ERC2: variants seen among roughly 807,000 people sequenced by gnomAD.
The protein encoded by ERC2 is ELKS/RAB6-interacting/CAST family member 2.
A neutral mutation model predicts 114.8 loss-of-function variants in ERC2; 42 were observed. The observed-to-expected ratio is 0.37, with a 90% CI of 0.29 to 0.47. The LOEUF (loss-of-function observed/expected upper bound fraction) is 0.47. Ranked by LOEUF, ERC2 falls within the 20% of genes least tolerant of loss-of-function variation. The pLI is 0.99. For synonymous variants in ERC2, 454 were observed against 425.5 expected (o/e 1.07, Z -0.82); for missense variants, 939 against 1,150.7 (o/e 0.82, Z 2.66).
chr3:56,292,611 A>G (rs2055168328), intron 3 of ERC2, among the ~76,000 whole-genome samples: 1 of 152,010 alleles, frequency 6.6e-6, no homozygotes, highest in African/African-American at 2.4e-5. Flanking sequence ...CGCAAAAAAA[A>G]GAAAAGAAAA....
chr3:55,774,428 C>T (rs146157871), intron 14 of ERC2, among the ~76,000 whole-genome samples: 315 of 152,370 alleles, frequency 2.1e-3, no homozygotes, highest in South Asian at 3.9e-3. Flanking sequence ...CCCCCGACTT[C>T]GTGGTCTCCC....
rs374252288 is a variant in ERC2 at position 56,313,187 on chromosome 3, G to T, written c.658-16752C>A. Among the ~76,000 whole-genome samples the T allele has an allele frequency of 1.1e-4, 17 of 150,276 alleles. No homozygotes were observed. The South Asian group carries it at 2.8e-3, about 24-fold the overall frequency. ...ACCACAGTGATCATTGCTGGGGAGA[G>T]GAGGATGGGGAAATGACTGCTAAAG... On this transcript the variant is annotated intron_variant, in intron 2 of 17. Coordinates refer to ENST00000288221, the MANE Select transcript of ERC2 (RefSeq NM_015576.3).
intron 17 of ERC2, among the ~76,000 whole-genome samples, chr3:55,579,957 G>A (rs1476644462): frequency 1.3e-5 from 2 of 152,218 alleles, no homozygotes; most frequent in African/African-American, 4.8e-5. Flanking sequence ...ATGCTAAGCT[G>A]CAATGCTTAA....
chr3:56,089,691 T>A (rs2077684624), intron 6 of ERC2, among the ~76,000 whole-genome samples: 1 of 152,162 alleles, frequency 6.6e-6, no homozygotes, highest in African/African-American at 2.4e-5. Context: ...TGAAGGTCTA[T>A]GACTCCTGTA....
intron 3 of ERC2, among the ~76,000 whole-genome samples, chr3:56,252,807 A>G (rs2052262979): frequency 6.6e-6 from 1 of 151,776 alleles, no homozygotes; most frequent in Non-Finnish European, 1.5e-5. Context: ...AACTGAAGAA[A>G]ATATTACATG....
At chr3:55,986,973 TA>T (rs2070689147) in intron 11 of ERC2, among the ~76,000 whole-genome samples, 1 of 151,748 alleles carries the variant, frequency 6.6e-6, no homozygotes, top group African/African-American at 2.4e-5. Context: ...TTCCATACTA[TA>T]AAAAAGTAGT....
At chr3:56,398,959 G>A (rs1355543283) in intron 2 of ERC2, among the ~76,000 whole-genome samples, 1 of 152,126 alleles carries the variant, frequency 6.6e-6, no homozygotes, top group African/African-American at 2.4e-5. Flanking sequence ...CAACTTTACA[G>A]CAGAACCAGG....
At chr3:55,539,415 C>CTGTTTTTTTTTT (rs2054227547) in intron 17 of ERC2, among the ~76,000 whole-genome samples, 1 of 39,090 alleles carries the variant, frequency 2.6e-5, no homozygotes, top group Non-Finnish European at 4.6e-5. Context: ...TTTTTTCTTT[C>CTGTTTTTTTTTT]TTTTTTTTTT....
At position 56,197,369 on chromosome 3, in the gene ERC2, C is replaced by T. The variant is rs1380846486; in HGVS notation, c.1075-23849G>A. Among the ~76,000 whole-genome samples, 7 of 152,200 alleles carry T rather than the reference C, an allele frequency of 4.6e-5. No homozygotes were observed. The East Asian group carries it at 5.8e-4, about 13-fold the overall frequency. ...AGCTTTCTGAAACTACGTTAGAATA[C>T]GCCTACCATAGCAAACACTTAAGGG... On this transcript the variant is annotated intron_variant, in intron 3 of 17. Coordinates refer to ENST00000288221, the MANE Select transcript of ERC2 (RefSeq NM_015576.3).
At chr3:56,348,454 A>C (rs1388452901) in intron 2 of ERC2, among the ~76,000 whole-genome samples, 1 of 151,400 alleles carries the variant, frequency 6.6e-6, no homozygotes, top group East Asian at 1.9e-4. Context: ...CTAGATCTTC[A>C]ATTTTTCAAG....
At chr3:56,397,233 C>T (rs1459543122) in intron 2 of ERC2, among the ~76,000 whole-genome samples, 1 of 151,972 alleles carries the variant, frequency 6.6e-6, no homozygotes, top group East Asian at 1.9e-4. Context: ...CCTGTAGTCC[C>T]AGCTACTTGG....
chr3:55,744,005 GT>G (rs1007875613), intron 14 of ERC2, among the ~76,000 whole-genome samples: 11 of 152,136 alleles, frequency 7.2e-5, no homozygotes, highest in Admixed American at 5.9e-4. Flanking sequence ...AGGACCAAAG[GT>G]TACTCCGTTT....
At chr3:55,800,758 T>G (rs534634053) in intron 14 of ERC2, among the ~76,000 whole-genome samples, 4 of 152,048 alleles carry the variant, frequency 2.6e-5, no homozygotes, top group Non-Finnish European at 5.9e-5. Flanking sequence ...GGGTGACATA[T>G]ACAAATGGCA....
intron 2 of ERC2, among the ~76,000 whole-genome samples, chr3:56,364,579 TA>T (rs2059081562): frequency 6.6e-6 from 1 of 152,230 alleles, no homozygotes; most frequent in Non-Finnish European, 1.5e-5. Context: ...AAGATTCTCC[TA>T]ACTGCTAACA....
At chr3:55,935,403 C>T (rs910758703) in intron 13 of ERC2, among the ~76,000 whole-genome samples, 1 of 152,176 alleles carries the variant, frequency 6.6e-6, no homozygotes, top group African/African-American at 2.4e-5. Flanking sequence ...AGTGCTTACA[C>T]AGGTTTAGTG....
At chr3:56,463,867 G>C (rs2063426189) in intron 1 of ERC2, among the ~76,000 whole-genome samples, 1 of 152,180 alleles carries the variant, frequency 6.6e-6, no homozygotes, top group South Asian at 2.1e-4. Flanking sequence ...AAGTTTCATG[G>C]TGGCAGGACC....
rs75932384 is a variant in ERC2, at chr3:55,973,443, G to A, written c.2267+12534C>T. Among the ~76,000 whole-genome samples, 102 of 152,304 alleles carry A rather than the reference G, an allele frequency of 6.7e-4. 3 individuals carry two copies. The East Asian group carries it at 0.011, about 17-fold the overall frequency. On this transcript the variant is annotated intron_variant, in intron 12 of 17. Coordinates refer to ENST00000288221, the MANE Select transcript of ERC2 (RefSeq NM_015576.3). ...TTGGTTGCATGGGAAGTAACAGGTAGACATCTTTCTAAAACACAATCCTGT... is the reference window on the plus strand; with the variant it reads ...TTGGTTGCATGGGAAGTAACAGGTAAACATCTTTCTAAAACACAATCCTGT...
intron 14 of ERC2, among the ~76,000 whole-genome samples, chr3:55,774,004 A>G (rs2068418893): frequency 6.6e-6 from 1 of 152,224 alleles, no homozygotes; most frequent in Admixed American, 6.5e-5. Flanking sequence ...TCTAACCAGA[A>G]GGCCCATAAT....
intron 3 of ERC2, among the ~76,000 whole-genome samples, chr3:56,229,643 CAGA>C (rs1688049072): frequency 6.6e-6 from 1 of 152,032 alleles, no homozygotes; most frequent in Admixed American, 6.6e-5. Flanking sequence ...CCATTTTTTC[CAGA>C]AGGCTTCTAG....
Sources: allele counts gnomAD v4.1 joint callset (sites outside exome capture counted in the v4.1 genomes callset), GRCh38; gene constraint gnomAD v4.1.1; transcripts MANE v1.5; gene names NCBI Gene and HGNC (gene_info 2026-07-23, HGNC 2026-07-21).